The following SDK1 variants were observed in gnomAD, a reference collection of about 807,000 sequenced individuals.
The protein encoded by SDK1 is protein sidekick-1.
A neutral mutation model predicts 245.5 loss-of-function variants in SDK1; 157 were observed. The observed-to-expected ratio is 0.64, with a 90% CI of 0.56 to 0.73. The LOEUF (loss-of-function observed/expected upper bound fraction) is 0.73. Ranked by LOEUF, SDK1 falls within the 30% of genes least tolerant of loss-of-function variation. The probability of loss-of-function intolerance (pLI) is 0.00; values close to 1 mark genes in which losing one functional copy is unlikely to be tolerated. For missense variants in SDK1, 3,583 were observed against 3,002.3 expected (o/e 1.19, Z -4.52); for synonymous variants, 1,647 against 1,278.5 (o/e 1.29, Z -6.15).
At chr7:3,704,914 A>G (rs1784840654) in intron 4 of SDK1, among the ~76,000 whole-genome samples, 1 of 152,218 alleles carries the variant, frequency 6.6e-6, no homozygotes, top group Non-Finnish European at 1.5e-5. Flanking sequence ...GTGGCTAGCC[A>G]CTTTTCTCAA....
At chr7:3,646,223 G>A (rs932706132) in intron 4 of SDK1, among the ~76,000 whole-genome samples, 1 of 151,968 alleles carries the variant, frequency 6.6e-6, no homozygotes. Context: ...TTTGTCATGT[G>A]GTGAAAGCAG....
chr7:4,123,823 G>A (rs1258230365), intron 25 of SDK1, among the ~76,000 whole-genome samples: 2 of 152,212 alleles, frequency 1.3e-5, no homozygotes, highest in Non-Finnish European at 2.9e-5. Context: ...CCCAGCAGCC[G>A]ATCTAATGTC....
intron 1 of SDK1, among the ~76,000 whole-genome samples, chr7:3,476,369 A>G (rs1781348098): frequency 6.6e-6 from 1 of 152,186 alleles, no homozygotes; most frequent in Non-Finnish European, 1.5e-5. Context: ...TACCAGGGCT[A>G]TGTCTTCAGC....
intron 1 of SDK1, among the ~76,000 whole-genome samples, chr7:3,533,879 A>G (rs1423398118): frequency 1.3e-5 from 2 of 150,822 alleles, no homozygotes; most frequent in African/African-American, 2.4e-5. Flanking sequence ...TTCATCTTCC[A>G]TTTATTAAAA....
chr7:3,462,059 C>A (rs574216670), intron 1 of SDK1, among the ~76,000 whole-genome samples: 6 of 152,268 alleles, frequency 3.9e-5, no homozygotes, highest in African/African-American at 1.4e-4. Context: ...CAGCAAAGCT[C>A]CCGGAAAGAG....
At chr7:4,010,639 C>T (rs750567596) in intron 14 of SDK1, among the ~76,000 whole-genome samples, 1 of 152,188 alleles carries the variant, frequency 6.6e-6, no homozygotes, top group Non-Finnish European at 1.5e-5. Flanking sequence ...ACCATGTGAG[C>T]CGACGGAGAA....
chr7:4,089,972 A>G (rs957270148), intron 22 of SDK1, among the ~76,000 whole-genome samples: 3 of 152,166 alleles, frequency 2.0e-5, no homozygotes, highest in Admixed American at 6.5e-5. Context: ...TGAAGACTAC[A>G]GGCCGGTTAT....
intron 4 of SDK1, among the ~76,000 whole-genome samples, chr7:3,670,583 G>A (rs1232860734): frequency 6.6e-6 from 1 of 152,182 alleles, no homozygotes; most frequent in African/African-American, 2.4e-5. Context: ...CGTGTGCGGT[G>A]GTAGCACAGT....
chr7:4,178,693 C>A, intron 35 of SDK1, 107 bp downstream of exon 35: 1 of 760,046 alleles, frequency 1.3e-6, no homozygotes, highest in Non-Finnish European at 2.3e-6. Flanking sequence ...CGTTCTTTCT[C>A]CTTGAACACA....
At position 3,751,884 on chromosome 7, in the gene SDK1, C is replaced by T. The variant is rs555455976; in HGVS notation, c.714-69566C>T. On this transcript the variant is annotated intron_variant, in intron 4 of 44. Coordinates refer to ENST00000404826, the MANE Select transcript of SDK1 (RefSeq NM_152744.4). ...TCTACTTCCTTTCTTTTTCTCATTCCGTGATGAAATTTGTGTGGTTATATC... is the reference window on the plus strand; with the variant it reads ...TCTACTTCCTTTCTTTTTCTCATTCTGTGATGAAATTTGTGTGGTTATATC... 1.3e-4 allele frequency among the ~76,000 whole-genome samples: 20 copies of T among 152,218 alleles called. 1 individual carries two copies. The highest frequency in any genetic ancestry group is 5.8e-4 in the East Asian group (3 of 5,184).
chr7:3,904,459 T>C lies in SDK1; in HGVS notation c.848-46464T>C, dbSNP rs117764239. 5.7e-3 allele frequency among the ~76,000 whole-genome samples: 867 copies of C among 151,428 alleles called. 3 individuals carry two copies. The highest frequency in any genetic ancestry group is 0.026 in the South Asian group (126 of 4,772). ...ACACCTGTAATGCACTTTGGGAGGC[T>C]GAGGTGGGAGGATCGCTTGAGTCCA... On this transcript the variant is annotated intron_variant, in intron 5 of 44. Coordinates refer to ENST00000404826, the MANE Select transcript of SDK1 (RefSeq NM_152744.4).
intron 5 of SDK1, among the ~76,000 whole-genome samples, chr7:3,914,876 A>G (rs1260230834): frequency 6.6e-6 from 1 of 152,234 alleles, no homozygotes; most frequent in Non-Finnish European, 1.5e-5. Context: ...AAAGGAAATC[A>G]TTTCAAAAGT....
chr7:3,986,211 T>TA (rs1238710355), intron 13 of SDK1, among the ~76,000 whole-genome samples: 3 of 148,744 alleles, frequency 2.0e-5, no homozygotes, highest in South Asian at 4.3e-4. Context: ...TTTTTTTTTT[T>TA]AACTAGTAAC....
chr7:3,753,466 A>G (rs558777989), intron 4 of SDK1, among the ~76,000 whole-genome samples: 1 of 152,352 alleles, frequency 6.6e-6, no homozygotes, highest in East Asian at 1.9e-4. Context: ...AACCAAAAAG[A>G]GAAATGCAAG....
At position 3,332,580 on chromosome 7, in the gene SDK1, T is replaced by A. The variant is rs1780096125; in HGVS notation, c.298+30696T>A. Among the ~76,000 whole-genome samples, 10 of 152,324 alleles carry A rather than the reference T, an allele frequency of 6.6e-5. No homozygotes were observed. The South Asian group carries it at 2.1e-3, about 32-fold the overall frequency. ...AAACAACTTTTATTGCCATTTATAA[T>A]AAATGTAAATGGCCTGCCATTTATT... On this transcript the variant is annotated intron_variant, in intron 1 of 44. Transcript: ENST00000404826.
At chr7:3,902,337 T>C (rs558714182) in intron 5 of SDK1, among the ~76,000 whole-genome samples, 1 of 152,296 alleles carries the variant, frequency 6.6e-6, no homozygotes, top group East Asian at 1.9e-4. Context: ...TGATTCCCCA[T>C]CACATTAATG....
intron 32 of SDK1, among the ~76,000 whole-genome samples, chr7:4,167,197 G>T (rs768980992): frequency 1.3e-5 from 2 of 152,126 alleles, no homozygotes; most frequent in South Asian, 2.1e-4. Flanking sequence ...TGAGACCATC[G>T]TGGCCAACAT....
chr7:3,785,203 G>A (rs1359816702), intron 4 of SDK1, among the ~76,000 whole-genome samples: 1 of 152,158 alleles, frequency 6.6e-6, no homozygotes, highest in Non-Finnish European at 1.5e-5. Context: ...TGGAGGGTGG[G>A]GGGAATAGGG....
At chr7:4,174,543 G>T (rs1005847998) in intron 33 of SDK1, among the ~76,000 whole-genome samples, 186 bp downstream of exon 33, 2 of 152,220 alleles carry the variant, frequency 1.3e-5, no homozygotes, top group African/African-American at 4.8e-5. Context: ...GTGTGCGGCA[G>T]GTGGGTGCAG....
Sources: gnomAD v4.1 joint callset for allele counts (sites outside exome capture counted in the v4.1 genomes callset) on GRCh38, gnomAD v4.1.1 for gene constraint, MANE v1.5 for transcripts, NCBI Gene and HGNC (gene_info 2026-07-23, HGNC 2026-07-21) for gene names.